The following DEPTOR variants were observed in gnomAD, a reference collection of about 807,000 sequenced individuals.
The protein encoded by DEPTOR is DEP domain-containing mTOR-interacting protein.
DEPTOR carries 41 observed loss-of-function variants against 41.6 expected under a neutral mutation model. That is an observed-to-expected ratio of 0.98 (90% CI 0.77 to 1.28). The LOEUF is 1.28. Among genes scored for constraint, DEPTOR ranks in the 50% most tolerant of loss-of-function variants. The pLI is 0.00. For synonymous variants in DEPTOR, 195 were observed against 192.3 expected (o/e 1.01, Z -0.12); for missense variants, 514 against 527.9 (o/e 0.97, Z 0.26).
Position 119,918,436 on chromosome 8 carries a change from ACCTTTATT to A in DEPTOR, c.123-9963_123-9956del, listed in dbSNP as rs1174850560. ...GCTAGTGAAACATTTGGCATGGACCACCTTTATTTATTTATTTATTTATTTATTTATTT... is the reference window on the plus strand; with the variant it reads ...GCTAGTGAAACATTTGGCATGGACCATATTTATTTATTTATTTATTTATTT... On this transcript the variant is annotated intron_variant, in intron 1 of 8. Transcript: ENST00000286234. 4.6e-3 allele frequency among the ~76,000 whole-genome samples: 676 copies of A among 148,438 alleles called. 2 individuals carry two copies. The highest frequency in any genetic ancestry group is 7.8e-3 in the Admixed American group (118 of 15,058).
At chr8:119,995,246 T>TGAA (rs1812240992) in intron 4 of DEPTOR, among the ~76,000 whole-genome samples, 1 of 152,166 alleles carries the variant, frequency 6.6e-6, no homozygotes, top group African/African-American at 2.4e-5. Context: ...GGATTGAAAC[T>TGAA]GAAGATACCT....
At chr8:120,025,834 C>G (rs1299957308) in intron 8 of DEPTOR, among the ~76,000 whole-genome samples, 1 of 151,864 alleles carries the variant, frequency 6.6e-6, no homozygotes, top group Non-Finnish European at 1.5e-5. Context: ...GGAAATGATG[C>G]CACACTCCTG....
In DEPTOR at chr8:119,921,763, TGTTTGTTTG is replaced by T. The variant is rs1563966308; in HGVS notation, c.123-6636_123-6628del. On this transcript the variant is annotated intron_variant, in intron 1 of 8. Coordinates refer to ENST00000286234, the MANE Select transcript of DEPTOR (RefSeq NM_022783.4). ...CTATTCTGTAGTTTTTTTTTTTGTT[TGTTTGTTTG>T]TTTTTTGAAACAGGGTCTTGCTCTG... Among the ~76,000 whole-genome samples the T allele has an allele frequency of 8.3e-5, 12 of 145,204 alleles. No homozygotes were observed. The South Asian group carries it at 1.3e-3, about 16-fold the overall frequency.
At chr8:119,920,841 A>C (rs569301193) in intron 1 of DEPTOR, among the ~76,000 whole-genome samples, 13 of 152,228 alleles carry the variant, frequency 8.5e-5, no homozygotes, top group African/African-American at 3.1e-4. Context: ...GGATCTGAGG[A>C]ACTCCTGCAA....
At chr8:119,918,739 G>A (rs534622847) in intron 1 of DEPTOR, among the ~76,000 whole-genome samples, 12 of 152,164 alleles carry the variant, frequency 7.9e-5, no homozygotes, top group South Asian at 2.1e-4. Context: ...GATTATAGGC[G>A]TGTGCCACCG....
At chr8:119,940,063 CAA>C (rs1828182298) in intron 3 of DEPTOR, among the ~76,000 whole-genome samples, 1 of 151,734 alleles carries the variant, frequency 6.6e-6, no homozygotes, top group African/African-American at 2.4e-5. Context: ...ACTAAAAATT[CAA>C]AATTATCCAA....
intron 1 of DEPTOR, among the ~76,000 whole-genome samples, chr8:119,927,606 ATATATAT>A (rs1304672465): frequency 6.8e-6 from 1 of 146,864 alleles, no homozygotes; most frequent in Non-Finnish European, 1.5e-5. Context: ...ATATATAAAT[ATATATAT>A]TATATATATT....
intron 3 of DEPTOR, among the ~76,000 whole-genome samples, chr8:119,961,422 A>G (rs1828490786): frequency 6.6e-6 from 1 of 151,592 alleles, no homozygotes; most frequent in Non-Finnish European, 1.5e-5. Flanking sequence ...GTATCAAAAA[A>G]AAAAAAAAAA....
chr8:120,031,064 T>G (rs893113052), intron 8 of DEPTOR, among the ~76,000 whole-genome samples: 1 of 152,180 alleles, frequency 6.6e-6, no homozygotes, highest in Non-Finnish European at 1.5e-5. Flanking sequence ...GCACAGTGAC[T>G]CATGCCTGTA....
chr8:119,881,630 A>G (rs2129676454), intron 1 of DEPTOR, among the ~76,000 whole-genome samples: 1 of 152,312 alleles, frequency 6.6e-6, no homozygotes, highest in East Asian at 1.9e-4. Context: ...ACAACAGGAC[A>G]AGGAGAAATA....
chr8:119,978,941 C>T (rs1259638327), intron 4 of DEPTOR, among the ~76,000 whole-genome samples: 3 of 98,228 alleles, frequency 3.1e-5, no homozygotes, highest in African/African-American at 7.1e-5. Flanking sequence ...TTTCTATCTT[C>T]CCTCTCCCTG....
At chr8:120,049,379 T>A (rs1332462228) in intron 8 of DEPTOR, among the ~76,000 whole-genome samples, 197 bp from the exon 9 acceptor site, 8 of 111,158 alleles carry the variant, frequency 7.2e-5, no homozygotes, top group African/African-American at 3.7e-4. Flanking sequence ...ACTAAAACGA[T>A]TTTTTTTTTT....
At chr8:119,968,300 A>T (rs1053300444) in intron 4 of DEPTOR, among the ~76,000 whole-genome samples, 9 of 152,106 alleles carry the variant, frequency 5.9e-5, no homozygotes, top group African/African-American at 1.7e-4. Flanking sequence ...TGATAAGAAC[A>T]TTAATATGAG....
At position 120,001,567 on chromosome 8, in the gene DEPTOR, A is replaced by G. The variant is rs1812351594; in HGVS notation, c.647A>G (p.Gln216Arg). ...TTTGTGGACAGCAATCTTCTCTACC[A>G]GTTCAGAATGAACTTCCGGCGGAGG... ...HPFVDSNLLY[Q>R]FRMNFRRRRR... Residue 216 changes from glutamine (Q) to arginine (R), a missense_variant, in exon 5 of 9, where the codon CAG (glutamine) becomes CGG (arginine). Gln to Arg is a conservative substitution (Grantham distance 43). Transcript: ENST00000286234. 1.4e-5 allele frequency: 23 copies of G among 1,613,416 alleles called. No homozygotes were observed. The highest frequency in any genetic ancestry group is 1.9e-5 in the Non-Finnish European group (22 of 1,179,844).
intron 3 of DEPTOR, among the ~76,000 whole-genome samples, chr8:119,961,471 A>G (rs1246736267): frequency 6.6e-6 from 1 of 151,684 alleles, no homozygotes; most frequent in Non-Finnish European, 1.5e-5. Context: ...TAAGTGACTC[A>G]CTGGGATAAA....
At chr8:119,885,271 T>C (rs143068274) in intron 1 of DEPTOR, among the ~76,000 whole-genome samples, 73 of 152,342 alleles carry the variant, frequency 4.8e-4, no homozygotes, top group African/African-American at 1.7e-3. Context: ...TGTAGTGGTA[T>C]ATGACTGTGT....
intron 7 of DEPTOR, among the ~76,000 whole-genome samples, chr8:120,007,359 G>T (rs1812456844): frequency 6.6e-6 from 1 of 152,140 alleles, no homozygotes; most frequent in African/African-American, 2.4e-5. Context: ...AAAGGAAACT[G>T]TGGGATAAAC....
chr8:119,969,817 T>TA (rs947743915), intron 4 of DEPTOR: 2 of 152,234 alleles, frequency 1.3e-5, no homozygotes, highest in African/African-American at 4.8e-5. Context: ...ATGGCTACCA[T>TA]ACCTGTGTAT....
chr8:119,913,193 A>T (rs1184797205), intron 1 of DEPTOR, among the ~76,000 whole-genome samples: 1 of 152,080 alleles, frequency 6.6e-6, no homozygotes, highest in African/African-American at 2.4e-5. Context: ...AGTGCTGGGG[A>T]TTATAGGCAT....
Sources: allele counts gnomAD v4.1 joint callset (sites outside exome capture counted in the v4.1 genomes callset), GRCh38; gene constraint gnomAD v4.1.1; transcripts MANE v1.5; gene names NCBI Gene and HGNC (gene_info 2026-07-23, HGNC 2026-07-21).